The following MTREX variants were observed in gnomAD, a reference collection of about 807,000 sequenced individuals.
MTREX encodes the protein exosome RNA helicase MTR4.
MTREX carries 76 observed loss-of-function variants against 135.4 expected under a neutral mutation model. The ratio of observed to expected loss-of-function variants is 0.56; its 90% CI spans 0.47 to 0.68. The LOEUF (loss-of-function observed/expected upper bound fraction) is 0.68, where lower values mean the gene tolerates loss of function less well. Among genes scored for constraint, MTREX ranks in the 30% least tolerant of loss-of-function variants. MTREX has a pLI of 0.00. For synonymous variants in MTREX, 404 were observed against 401.6 expected, an observed-to-expected ratio of 1.01 and a Z score of -0.07; for missense variants, 920 against 1,262.1, an observed-to-expected ratio of 0.73 and a Z score of 4.11.
chr5:55,352,786 T>C lies in MTREX; in HGVS notation c.1432-382T>C, dbSNP rs540608820. On this transcript the variant is annotated intron_variant, in intron 13 of 26. Transcript: ENST00000230640. ...AGTGATTCTAGTCTTCCTTGAGAGA[T>C]CTTCTAATACTGAAGTGGTCCTCAA... Among the ~76,000 whole-genome samples the C allele has an allele frequency of 3.3e-5, 5 of 152,332 alleles. No individual in the cohort carries two copies. In the South Asian group the frequency reaches 1.0e-3, roughly 32 times the overall value.
chr5:55,337,022 G>A (rs1411606344), intron 5 of MTREX, among the ~76,000 whole-genome samples: 1 of 152,130 alleles, frequency 6.6e-6, no homozygotes, highest in Non-Finnish European at 1.5e-5. Flanking sequence ...TACTAGTGAA[G>A]CCATTTAAGC....
chr5:55,422,956 C>CT lies in MTREX; in HGVS notation c.3051dup (p.Glu1018Ter). 6.2e-7 allele frequency: 1 copy of CT among 1,613,962 alleles called. No individual in the cohort carries two copies. The highest frequency in any genetic ancestry group is 8.5e-7 in the Non-Finnish European group (1 of 1,179,894). ...CAAGCAGCAAAAGCCATTGGAAACA[C>CT]TGAGCTGGAAAATAAATTTGCAGAA... On this transcript the variant is annotated frameshift_variant, in exon 26 of 27. Coordinates refer to ENST00000230640, the MANE Select transcript of MTREX (RefSeq NM_015360.5). LOFTEE classifies it high-confidence loss of function.
intron 1 of MTREX, among the ~76,000 whole-genome samples, chr5:55,310,849 C>A (rs774560325): frequency 3.5e-4 from 54 of 152,128 alleles, no homozygotes; most frequent in Non-Finnish European, 7.1e-4. Context: ...TGCTTAGCAG[C>A]TTATGGTAAC....
chr5:55,353,967 T>C (rs189004759), intron 14 of MTREX, among the ~76,000 whole-genome samples: 81 of 152,224 alleles, frequency 5.3e-4, no homozygotes, highest in Admixed American at 7.2e-4. Context: ...AAAAAAGAAG[T>C]TCTAACAGGT....
At chr5:55,346,322 T>C (rs971014106) in intron 10 of MTREX, among the ~76,000 whole-genome samples, 1 of 152,212 alleles carries the variant, frequency 6.6e-6, no homozygotes, top group Non-Finnish European at 1.5e-5. Flanking sequence ...CTATATCCTT[T>C]GTATCACCGT....
chr5:55,402,284 A>G (rs1388564129), intron 21 of MTREX, among the ~76,000 whole-genome samples: 12 of 152,186 alleles, frequency 7.9e-5, no homozygotes, highest in Admixed American at 7.2e-4. Context: ...CTGGGACACA[A>G]CAAACTTTCA....
intron 10 of MTREX, among the ~76,000 whole-genome samples, chr5:55,346,433 C>T (rs891128463): frequency 6.6e-6 from 1 of 152,122 alleles, no homozygotes; most frequent in African/African-American, 2.4e-5. Context: ...CCCTGATTTC[C>T]CATTTGGAAA....
At position 55,340,156 on chromosome 5, in the gene MTREX, C is replaced by T. The variant is rs749436068; in HGVS notation, c.662C>T (p.Thr221Met). Residue 221 changes from threonine to methionine, a missense_variant, in exon 6 of 27, where the codon ACG (threonine) becomes ATG (methionine). Around this residue, in one of 6 missense-constraint regions of MTREX, gnomAD observed 88 missense variants for 202.5 expected, o/e 0.43. Coordinates refer to ENST00000230640, the MANE Select transcript of MTREX (RefSeq NM_015360.5). ...ACTGGTGATGTTACTATTAATCCTA[C>T]GGCATCTTGTCTTGTTATGACCACA... Reference protein sequence around the residue: ...LMTGDVTINPTASCLVMTTEI... With the variant: ...LMTGDVTINPMASCLVMTTEI... The T allele has an allele frequency of 5.0e-5, 79 of 1,594,476 alleles. No homozygotes were observed. Among genetic ancestry groups the T allele is most frequent in the South Asian group, 6.9e-5 (6 of 87,336 alleles).
intron 5 of MTREX, among the ~76,000 whole-genome samples, chr5:55,331,856 T>G (rs1749482123): frequency 6.6e-6 from 1 of 152,198 alleles, no homozygotes; most frequent in Admixed American, 6.5e-5. Context: ...CGTACTGTTC[T>G]TATATCCAGT....
chr5:55,368,645 G>A (rs1351201455), intron 16 of MTREX, among the ~76,000 whole-genome samples: 1 of 152,148 alleles, frequency 6.6e-6, no homozygotes, highest in Non-Finnish European at 1.5e-5. Context: ...AGGCTGGAGT[G>A]CAGTGGTACG....
In MTREX at chr5:55,400,387, A is replaced by G; in HGVS notation, c.2447A>G (p.Glu816Gly). ...SHPLHNDPNL[E>G]TVYTLCEKKA... ...CCACTTCACAATGATCCAAATTTGG[A>G]AACTGTGTATACGCTTTGTGAAAAA... The change falls in exon 21 of 27, where the codon GAA (glutamate) becomes GGA (glycine). Residue 816 changes from glutamate (E) to glycine (G), a missense_variant. Physicochemically the swap from Glu to Gly is moderately conservative, Grantham distance 98. Coordinates refer to ENST00000230640, the MANE Select transcript of MTREX (RefSeq NM_015360.5). The G allele has an allele frequency of 6.2e-7, 1 of 1,611,516 alleles. No individual in the cohort carries two copies. Among genetic ancestry groups the G allele is most frequent in the Non-Finnish European group, 8.5e-7 (1 of 1,178,920 alleles).
chr5:55,308,856 TTAAC>T (rs1337874553), intron 1 of MTREX, among the ~76,000 whole-genome samples: 1 of 152,176 alleles, frequency 6.6e-6, no homozygotes, highest in African/African-American at 2.4e-5. Flanking sequence ...AGATGATTAA[TTAAC>T]AATCAACAAA....
chr5:55,397,418 T>C lies in MTREX; in HGVS notation c.2184T>C (p.Val728=), dbSNP rs374153581. The C allele has an allele frequency of 6.2e-7, 1 of 1,605,906 alleles. No individual in the cohort carries two copies. The highest frequency in any genetic ancestry group is 8.5e-7 in the Non-Finnish European group (1 of 1,174,600). ...ACTGTATAACTTTTTGGTCATAGGT[T>C]GTCCCAGTTTTGGTGCATCTCCTGT... ...AKPDEKGEMQ[V]VPVLVHLLSA... Residue 728 remains valine, a splice_region_variant and synonymous_variant, in exon 20 of 27, where the codon GTT becomes GTC. Transcript: ENST00000230640.
At chr5:55,414,262 TGAA>T in intron 24 of MTREX, 24 bp downstream of exon 24, 1 of 1,431,948 alleles carries the variant, frequency 7.0e-7, no homozygotes, top group Non-Finnish European at 9.4e-7. Flanking sequence ...TTTTTTTTTT[TGAA>T]CTACATATTT....
intron 14 of MTREX, 25 bp downstream of exon 14, chr5:55,353,294 A>G: frequency 6.7e-7 from 1 of 1,491,548 alleles, no homozygotes; most frequent in Non-Finnish European, 9.3e-7. Context: ...TCATATATCA[A>G]AATAATTTTT....
At chr5:55,409,498 GTTGAA>G (rs1259079539) in intron 22 of MTREX, among the ~76,000 whole-genome samples, 3 of 152,114 alleles carry the variant, frequency 2.0e-5, no homozygotes, top group African/African-American at 7.2e-5. Context: ...TTTAAAACCT[GTTGAA>G]TTGATCATTC....
chr5:55,326,833 T>C (rs567243694), intron 3 of MTREX, among the ~76,000 whole-genome samples: 74 of 152,304 alleles, frequency 4.9e-4, no homozygotes, highest in Admixed American at 1.9e-3. Flanking sequence ...TTTCTCCTAA[T>C]GCTATCCCTC....
intron 21 of MTREX, among the ~76,000 whole-genome samples, chr5:55,404,725 T>C (rs1302836996): frequency 1.3e-5 from 2 of 151,972 alleles, no homozygotes; most frequent in Non-Finnish European, 2.9e-5. Flanking sequence ...GCTCACAATA[T>C]CCAGCTCACT....
chr5:55,326,259 G>T (rs1370351266), intron 3 of MTREX, among the ~76,000 whole-genome samples: 1 of 152,066 alleles, frequency 6.6e-6, no homozygotes, highest in Non-Finnish European at 1.5e-5. Context: ...AATTAACCAG[G>T]CATGGTGGCA....
Sources: allele counts gnomAD v4.1 joint callset (sites outside exome capture counted in the v4.1 genomes callset), GRCh38; gene constraint gnomAD v4.1.1; regional missense constraint gnomAD v4.1.1; transcripts MANE v1.5; gene names NCBI Gene and HGNC (gene_info 2026-07-23, HGNC 2026-07-21).